TTC28: variants seen among roughly 807,000 people sequenced by gnomAD.
TTC28 encodes tetratricopeptide repeat domain 28.
In TTC28, 61 loss-of-function variants were observed where a neutral mutation model predicts 198.0. The observed-to-expected ratio is 0.31, with a 90% confidence interval of 0.25 to 0.38. The LOEUF (loss-of-function observed/expected upper bound fraction) is 0.38, where lower values mean the gene tolerates loss of function less well. TTC28 is among the 10% of genes least tolerant of loss of function. TTC28 has a pLI of 1.00. For missense variants in TTC28, 2,678 were observed against 3,164.0 expected, an observed-to-expected ratio of 0.85 and a Z score of 3.69; for synonymous variants, 1,171 against 1,297.8, an observed-to-expected ratio of 0.90 and a Z score of 2.10.
intron 2 of TTC28, among the ~76,000 whole-genome samples, chr22:28,572,856 A>ATAC (rs1188406968): frequency 1.3e-5 from 2 of 152,198 alleles, no homozygotes; most frequent in Admixed American, 6.5e-5. Flanking sequence ...GCTTCACAAA[A>ATAC]AGTAAAGGGA....
chr22:28,644,448 C>T (rs1011366767), intron 1 of TTC28, among the ~76,000 whole-genome samples: 2 of 150,046 alleles, frequency 1.3e-5, no homozygotes, highest in East Asian at 3.9e-4. Context: ...TTGGGAAATG[C>T]TAAATGACTA....
At chr22:28,052,375 T>C (rs1238666314) in intron 12 of TTC28, among the ~76,000 whole-genome samples, 5 of 152,162 alleles carry the variant, frequency 3.3e-5, no homozygotes, top group Non-Finnish European at 7.4e-5. Context: ...TCCTATTTCG[T>C]AGATTTTTGT....
intron 2 of TTC28, among the ~76,000 whole-genome samples, chr22:28,558,166 A>G (rs1318986671): frequency 6.6e-6 from 1 of 152,216 alleles, no homozygotes; most frequent in Non-Finnish European, 1.5e-5. Flanking sequence ...CGAAGGTGAA[A>G]TACCCAAATC....
intron 2 of TTC28, among the ~76,000 whole-genome samples, chr22:28,442,501 G>A (rs1808322791): frequency 6.6e-6 from 1 of 152,212 alleles, no homozygotes; most frequent in Admixed American, 6.5e-5. Flanking sequence ...ACCACCTGCG[G>A]GGCCTGTGTC....
intron 2 of TTC28, among the ~76,000 whole-genome samples, chr22:28,413,204 G>C (rs1291394394): frequency 2.0e-5 from 3 of 152,140 alleles, no homozygotes; most frequent in African/African-American, 7.2e-5. Flanking sequence ...GGGAGGCCAA[G>C]GCGGGCGGAT....
chr22:28,600,016 T>C (rs1000036663), intron 2 of TTC28, among the ~76,000 whole-genome samples: 3 of 152,214 alleles, frequency 2.0e-5, no homozygotes, highest in African/African-American at 4.8e-5. Flanking sequence ...ACTTAACAGT[T>C]TGATCAGCCA....
At chr22:28,434,811 C>T (rs527260426) in intron 2 of TTC28, among the ~76,000 whole-genome samples, 1 of 152,196 alleles carries the variant, frequency 6.6e-6, no homozygotes, top group Admixed American at 6.5e-5. Flanking sequence ...CAATCAGTTC[C>T]CACAAAGACC....
Position 27,980,614 on chromosome 22 carries a change from G to T in TTC28, c.*1607C>A, listed in dbSNP as rs1188762662. 1 of 152,292 alleles carries T rather than the reference G, an allele frequency of 6.6e-6. No individual in the cohort carries two copies. Among genetic ancestry groups the T allele is most frequent in the Non-Finnish European group, 1.5e-5 (1 of 68,080 alleles). 9.4% of individuals were successfully genotyped at this position (152,292 alleles called of 1,614,324 possible). ...CAGTGCCCCCTGCCAGGCCCCTCAG[G>T]TCTGCTCCATGTGCTGCTGGTGGCC... On this transcript the variant is annotated 3_prime_UTR_variant, in exon 23 of 23. Transcript: ENST00000397906.
chr22:28,364,914 C>T (rs2046222434), intron 2 of TTC28, among the ~76,000 whole-genome samples: 1 of 152,158 alleles, frequency 6.6e-6, no homozygotes, highest in Non-Finnish European at 1.5e-5. Context: ...GAATATAATA[C>T]CAACTTAGTT....
intron 3 of TTC28, among the ~76,000 whole-genome samples, chr22:28,298,578 AG>A (rs1177592728): frequency 6.6e-6 from 1 of 152,070 alleles, no homozygotes; most frequent in Non-Finnish European, 1.5e-5. Context: ...CCTCCCAAGT[AG>A]CTAGGACCAC....
intron 2 of TTC28, among the ~76,000 whole-genome samples, chr22:28,561,072 C>CTTTTT (rs11296581): frequency 2.9e-4 from 17 of 58,688 alleles, no homozygotes; most frequent in East Asian, 4.4e-4. Context: ...CCTTCATTTT[C>CTTTTT]TTTTTTTTTT....
At position 28,356,945 on chromosome 22, in the gene TTC28, A is replaced by C. The variant is rs186006885; in HGVS notation, c.382-50302T>G. ...TGAGCATGAGACCCCATGCAACTACAGTGGTGGCATGCCCAAGAATCTGGC... is the reference window on the plus strand; with the variant it reads ...TGAGCATGAGACCCCATGCAACTACCGTGGTGGCATGCCCAAGAATCTGGC... On this transcript the variant is annotated intron_variant, in intron 2 of 22. Transcript: ENST00000397906. 1.4e-3 allele frequency among the ~76,000 whole-genome samples: 215 copies of C among 152,372 alleles called. 1 individual carries two copies. Among genetic ancestry groups the C allele is most frequent in the African/African-American group, 5.0e-3 (206 of 41,602 alleles).
chr22:28,404,983 G>A (rs1023395596), intron 2 of TTC28, among the ~76,000 whole-genome samples: 7 of 143,854 alleles, frequency 4.9e-5, no homozygotes, highest in Non-Finnish European at 9.4e-5. Context: ...CTATTTAATA[G>A]TGTGTGTTGT....
chr22:28,516,345 C>T (rs1229621625), intron 2 of TTC28, among the ~76,000 whole-genome samples: 1 of 152,050 alleles, frequency 6.6e-6, no homozygotes, highest in East Asian at 1.9e-4. Flanking sequence ...ATGTAAAACA[C>T]AAGAATAATT....
At chr22:28,604,257 G>A (rs1023005820) in intron 2 of TTC28, among the ~76,000 whole-genome samples, 2 of 134,854 alleles carry the variant, frequency 1.5e-5, no homozygotes, top group Admixed American at 7.6e-5. Context: ...TAGCCTGGCT[G>A]ACAGAGCAAG....
chr22:28,166,413 C>T (rs1356001836), intron 5 of TTC28, among the ~76,000 whole-genome samples: 1 of 152,206 alleles, frequency 6.6e-6, no homozygotes, highest in Non-Finnish European at 1.5e-5. Context: ...AAATTGACCA[C>T]ATGGTTGGAA....
chr22:28,658,866 G>A (rs544397015), intron 1 of TTC28, among the ~76,000 whole-genome samples: 6 of 152,168 alleles, frequency 3.9e-5, no homozygotes, highest in Admixed American at 2.0e-4. Context: ...ACATGGTGAC[G>A]CACATCTGTA....
intron 5 of TTC28, among the ~76,000 whole-genome samples, chr22:28,191,511 A>T (rs776899144): frequency 5.9e-5 from 9 of 152,378 alleles, no homozygotes; most frequent in Non-Finnish European, 1.0e-4. Flanking sequence ...CCCGGGAAGC[A>T]CAAGGGGTCA....
chr22:27,992,572 C>A lies in TTC28; in HGVS notation c.5553+15G>T. The A allele has an allele frequency of 1.9e-6, 3 of 1,551,150 alleles. No individual in the cohort carries two copies. The highest frequency in any genetic ancestry group is 2.6e-6 in the Non-Finnish European group (3 of 1,146,894). ...GGGCCTCAGGCCCTGGCTCAGCCCT[C>A]CAGGCTCGACTTACCCGGCTGATGA... On this transcript the variant is annotated intron_variant, in intron 19 of 22. Transcript: ENST00000397906.
Sources: gnomAD v4.1 joint callset for allele counts (sites outside exome capture counted in the v4.1 genomes callset) on GRCh38, gnomAD v4.1.1 for gene constraint, MANE v1.5 for transcripts, NCBI Gene and HGNC (gene_info 2026-07-23, HGNC 2026-07-21) for gene names.